CACNB4: variants seen among roughly 807,000 people sequenced by gnomAD.
The protein encoded by CACNB4 is voltage-dependent L-type calcium channel subunit beta-4.
CACNB4 carries 32 observed loss-of-function variants against 71.2 expected under a neutral mutation model. The ratio of observed to expected loss-of-function variants is 0.45; its 90% CI spans 0.34 to 0.60. The LOEUF (loss-of-function observed/expected upper bound fraction) is 0.60, where lower values mean the gene tolerates loss of function less well. CACNB4 is among the 20% of genes least tolerant of loss of function. The pLI is 0.01. For missense variants in CACNB4, 464 were observed against 647.9 expected, an observed-to-expected ratio of 0.72 and a Z score of 3.08; for synonymous variants, 231 against 236.9, an observed-to-expected ratio of 0.97 and a Z score of 0.23.
chr2:152,083,937 T>C (rs1243865615), intron 2 of CACNB4, among the ~76,000 whole-genome samples: 2 of 152,150 alleles, frequency 1.3e-5, no homozygotes, highest in Non-Finnish European at 2.9e-5. Flanking sequence ...CATCACCTTC[T>C]CCTTTCCTCC....
intron 2 of CACNB4, among the ~76,000 whole-genome samples, chr2:151,944,530 A>C (rs1359542391): frequency 1.3e-5 from 2 of 152,126 alleles, no homozygotes; most frequent in African/African-American, 4.8e-5. Flanking sequence ...GGTGGCTTAC[A>C]CCTATAATCC....
intron 2 of CACNB4, among the ~76,000 whole-genome samples, chr2:152,073,419 A>G (rs11682685): frequency 0.036 from 5,423 of 152,222 alleles, 139 homozygotes; most frequent in Middle Eastern, 0.075. Flanking sequence ...CTTTAGCTCA[A>G]TGCCATTCGC....
chr2:151,926,282 G>C (rs1182928623), intron 2 of CACNB4, among the ~76,000 whole-genome samples: 2 of 152,160 alleles, frequency 1.3e-5, no homozygotes, highest in Non-Finnish European at 2.9e-5. Flanking sequence ...TTGAAGACAA[G>C]TGAAGAAAAG....
At chr2:152,038,275 C>A (rs1174424381) in intron 2 of CACNB4, among the ~76,000 whole-genome samples, 1 of 152,184 alleles carries the variant, frequency 6.6e-6, no homozygotes, top group African/African-American at 2.4e-5. Context: ...AACTCTCACA[C>A]CAGAGTGTGC....
intron 3 of CACNB4, 41 bp downstream of exon 3, chr2:151,883,210 A>T (rs752056024): frequency 6.2e-7 from 1 of 1,610,406 alleles, no homozygotes; most frequent in South Asian, 1.1e-5. Flanking sequence ...GCCACTGAGC[A>T]ACGACCCACT....
At chr2:152,022,528 G>T (rs1049322763) in intron 2 of CACNB4, among the ~76,000 whole-genome samples, 2 of 152,168 alleles carry the variant, frequency 1.3e-5, no homozygotes, top group South Asian at 4.2e-4. Context: ...AGTTGGACAA[G>T]AAGTGCAATA....
At chr2:151,911,206 G>A (rs1372171120) in intron 2 of CACNB4, among the ~76,000 whole-genome samples, 1 of 152,182 alleles carries the variant, frequency 6.6e-6, no homozygotes, top group Non-Finnish European at 1.5e-5. Flanking sequence ...TTGGGACTGA[G>A]GTGATGGGGT....
At chr2:151,842,573 A>G (rs893898002) in intron 12 of CACNB4, among the ~76,000 whole-genome samples, 3 of 151,940 alleles carry the variant, frequency 2.0e-5, no homozygotes, top group Non-Finnish European at 2.9e-5. Context: ...TGACCTAGTG[A>G]TCCACCTGCC....
At chr2:152,076,877 T>C (rs1183031699) in intron 2 of CACNB4, among the ~76,000 whole-genome samples, 1 of 152,194 alleles carries the variant, frequency 6.6e-6, no homozygotes, top group Non-Finnish European at 1.5e-5. Context: ...CCAGTGAGAA[T>C]TGACAGAAAT....
intron 2 of CACNB4, among the ~76,000 whole-genome samples, chr2:152,085,786 G>A (rs577020479): frequency 2.5e-4 from 37 of 149,138 alleles, no homozygotes; most frequent in Non-Finnish European, 3.7e-4. Flanking sequence ...TGCCTGCACT[G>A]TCTTTTTGAT....
At chr2:152,044,703 T>G (rs936530102) in intron 2 of CACNB4, among the ~76,000 whole-genome samples, 2 of 152,206 alleles carry the variant, frequency 1.3e-5, no homozygotes, top group African/African-American at 2.4e-5. Context: ...CCACACCCTT[T>G]GTTTGGGTCA....
At position 151,997,033 on chromosome 2, in the gene CACNB4, A is replaced by G. The variant is rs112856287; in HGVS notation, c.147+101297T>C. ...GGCCAAGGGGTTTTTTCATTTCACTATGAAAATGTTAAGTAAATAAATACA... is the reference window on the plus strand; with the variant it reads ...GGCCAAGGGGTTTTTTCATTTCACTGTGAAAATGTTAAGTAAATAAATACA... On this transcript the variant is annotated intron_variant, in intron 2 of 13. Transcript: ENST00000539935. Among the ~76,000 whole-genome samples the G allele has an allele frequency of 3.9e-3, 591 of 152,292 alleles. 3 individuals carry two copies. The highest frequency in any genetic ancestry group is 0.013 in the African/African-American group (550 of 41,560).
intron 2 of CACNB4, among the ~76,000 whole-genome samples, chr2:151,924,116 T>C (rs1236046582): frequency 1.5e-5 from 2 of 132,982 alleles, no homozygotes; most frequent in Non-Finnish European, 3.1e-5. Flanking sequence ...TCTCGCTCTG[T>C]CGCCCAGGCT....
At chr2:152,021,407 A>C (rs1288881491) in intron 2 of CACNB4, among the ~76,000 whole-genome samples, 1 of 152,204 alleles carries the variant, frequency 6.6e-6, no homozygotes, top group South Asian at 2.1e-4. Flanking sequence ...AAAACTTCAA[A>C]TAAGGAGTAA....
At chr2:152,071,765 A>G (rs1345748136) in intron 2 of CACNB4, among the ~76,000 whole-genome samples, 2 of 152,228 alleles carry the variant, frequency 1.3e-5, no homozygotes, top group African/African-American at 2.4e-5. Flanking sequence ...ACCTTATAAT[A>G]TTTAGCCTTT....
intron 2 of CACNB4, among the ~76,000 whole-genome samples, chr2:151,919,519 G>A (rs1004926270): frequency 6.6e-5 from 10 of 152,194 alleles, no homozygotes; most frequent in South Asian, 4.1e-4. Flanking sequence ...AGAGGTCTAA[G>A]ATGCAAAATG....
intron 2 of CACNB4, among the ~76,000 whole-genome samples, chr2:152,077,915 T>A (rs1234976977): frequency 6.6e-6 from 1 of 152,012 alleles, no homozygotes; most frequent in African/African-American, 2.4e-5. Context: ...AACAGAAAAA[T>A]GGCCTGATCT....
intron 2 of CACNB4, among the ~76,000 whole-genome samples, chr2:151,885,140 T>C (rs889696409): frequency 1.1e-4 from 16 of 152,210 alleles, no homozygotes; most frequent in African/African-American, 2.9e-4. Flanking sequence ...AGCGGTTTTA[T>C]CAGAGTGCCC....
intron 2 of CACNB4, among the ~76,000 whole-genome samples, chr2:151,982,837 G>A (rs147199458): frequency 1.7e-4 from 26 of 152,186 alleles, no homozygotes; most frequent in South Asian, 8.3e-4. Flanking sequence ...CTTGTTGAGC[G>A]GCTCAACCTG....
Sources: gnomAD v4.1 joint callset for allele counts (sites outside exome capture counted in the v4.1 genomes callset) on GRCh38, gnomAD v4.1.1 for gene constraint, MANE v1.5 for transcripts, NCBI Gene and HGNC (gene_info 2026-07-23, HGNC 2026-07-21) for gene names.